The following SPAST variants were observed in gnomAD, a reference collection of about 807,000 sequenced individuals.
The protein encoded by SPAST is spastin.
A neutral mutation model predicts 76.6 loss-of-function variants in SPAST; 30 were observed. That is an observed-to-expected ratio of 0.39 (90% confidence interval 0.29 to 0.53). SPAST has a LOEUF of 0.53. Ranked by LOEUF, SPAST falls within the 20% of genes least tolerant of loss-of-function variation. The pLI is 0.68. For missense variants in SPAST, 717 were observed against 770.5 expected (o/e 0.93, Z 0.82); for synonymous variants, 305 against 281.0 (o/e 1.09, Z -0.86).
Position 32,154,662 on chromosome 2 carries a change from A to G in SPAST, c.*166A>G. On this transcript the variant is annotated 3_prime_UTR_variant, in exon 17 of 17. Coordinates refer to ENST00000315285, the MANE Select transcript of SPAST (RefSeq NM_014946.4). The stretch of plus-strand genomic sequence containing the variant: ...ATGAACCAGAAAACAGACTTAAACA[A>G]AATATACAATGCAAATGTAATTTTT... The G allele has an allele frequency of 1.4e-6, 1 of 693,688 alleles. No individual in the cohort carries two copies. The highest frequency in any genetic ancestry group is 1.8e-5 in the South Asian group (1 of 56,612). 43.0% of individuals were successfully genotyped at this position (693,688 alleles called of 1,614,324 possible).
At chr2:32,080,488 C>T (rs986218713) in intron 1 of SPAST, among the ~76,000 whole-genome samples, 2 of 152,186 alleles carry the variant, frequency 1.3e-5, no homozygotes, top group South Asian at 4.1e-4. Context: ...AAGTTTCTGC[C>T]ACCCAAATTC....
chr2:32,076,907 G>A (rs1483773256), intron 1 of SPAST, among the ~76,000 whole-genome samples: 3 of 151,844 alleles, frequency 2.0e-5, no homozygotes, highest in African/African-American at 4.8e-5. Flanking sequence ...ACAGAGTCTC[G>A]TTGTGTCGCC....
chr2:32,141,840 C>A, intron 12 of SPAST, 64 bp from the exon 13 acceptor site: 1 of 1,261,306 alleles, frequency 7.9e-7, no homozygotes. Context: ...CTTTTCCTGT[C>A]ATTTGCTGTT....
chr2:32,093,576 T>C (rs1181883629), intron 3 of SPAST, among the ~76,000 whole-genome samples: 1 of 152,212 alleles, frequency 6.6e-6, no homozygotes, highest in Non-Finnish European at 1.5e-5. Flanking sequence ...TGTCACCTTC[T>C]AATAAACTGT....
At chr2:32,150,888 TGA>T (rs1680060763) in intron 16 of SPAST, among the ~76,000 whole-genome samples, 1 of 152,068 alleles carries the variant, frequency 6.6e-6, no homozygotes. Context: ...GTCCCTTTTG[TGA>T]GCATCCCATT....
intron 4 of SPAST, among the ~76,000 whole-genome samples, chr2:32,106,527 C>G (rs1040073129): frequency 3.3e-5 from 5 of 152,218 alleles, no homozygotes; most frequent in Non-Finnish European, 7.3e-5. Flanking sequence ...CAGCTGTCTT[C>G]TGTGTCGCTC....
At chr2:32,097,065 G>C (rs536298549) in intron 3 of SPAST, among the ~76,000 whole-genome samples, 58 of 152,208 alleles carry the variant, frequency 3.8e-4, no homozygotes, top group African/African-American at 1.4e-3. Context: ...AAGTTTAAGA[G>C]AGTTAATATA....
chr2:32,128,700 G>A (rs775984422), intron 9 of SPAST: 11 of 536,840 alleles, frequency 2.0e-5, no homozygotes, highest in African/African-American at 3.8e-5. Flanking sequence ...ATAAAATACC[G>A]TAAACTGGCT....
intron 7 of SPAST, among the ~76,000 whole-genome samples, chr2:32,126,304 C>T (rs933798127): frequency 6.6e-6 from 1 of 152,054 alleles, no homozygotes; most frequent in African/African-American, 2.4e-5. Flanking sequence ...TTGTGGAATT[C>T]ATTGTGTTAA....
At chr2:32,090,247 A>G (rs938352476) in intron 3 of SPAST, among the ~76,000 whole-genome samples, 2 of 152,142 alleles carry the variant, frequency 1.3e-5, no homozygotes, top group African/African-American at 4.8e-5. Context: ...GGTATTGTCT[A>G]TGGCTTTCAT....
chr2:32,114,560 T>C (rs1678749402), intron 4 of SPAST, 78 bp from the exon 5 acceptor site: 1 of 1,078,814 alleles, frequency 9.3e-7, no homozygotes. Context: ...ATTATTACCT[T>C]GGTTTTACAA....
intron 1 of SPAST, among the ~76,000 whole-genome samples, chr2:32,066,612 G>A (rs1051986523): frequency 2.0e-5 from 3 of 151,912 alleles, no homozygotes; most frequent in African/African-American, 7.3e-5. Flanking sequence ...AGGTTGCAGT[G>A]AGCCGAGATC....
chr2:32,121,660 C>T (rs1016412066), intron 7 of SPAST, among the ~76,000 whole-genome samples: 3 of 151,592 alleles, frequency 2.0e-5, no homozygotes, highest in Admixed American at 2.0e-4. Flanking sequence ...CCTGCCTCAG[C>T]CTCCCAAGCA....
At chr2:32,119,270 C>A (rs181942017) in intron 7 of SPAST, among the ~76,000 whole-genome samples, 94 of 152,198 alleles carry the variant, frequency 6.2e-4, no homozygotes, top group Non-Finnish European at 1.2e-3. Context: ...TCTTGTTAAG[C>A]CTATGAATGG....
chr2:32,148,400 G>A (rs1343839951), intron 16 of SPAST, among the ~76,000 whole-genome samples: 3 of 151,976 alleles, frequency 2.0e-5, no homozygotes, highest in Admixed American at 6.6e-5. Flanking sequence ...GGCCGGGTGC[G>A]GTGGCTCACG....
At chr2:32,071,452 A>T (rs1463269927) in intron 1 of SPAST, among the ~76,000 whole-genome samples, 1 of 152,236 alleles carries the variant, frequency 6.6e-6, no homozygotes. Context: ...CAATGAAAAG[A>T]GTCAAACTCT....
intron 1 of SPAST, among the ~76,000 whole-genome samples, chr2:32,083,776 A>ATTTTTTT (rs1178658126): frequency 2.2e-5 from 1 of 46,074 alleles, no homozygotes; most frequent in Non-Finnish European, 3.7e-5. Context: ...ATATATATAT[A>ATTTTTTT]TTTTTTTTTT....
intron 1 of SPAST, among the ~76,000 whole-genome samples, chr2:32,066,454 G>T (rs992692394): frequency 6.6e-6 from 1 of 152,072 alleles, no homozygotes; most frequent in African/African-American, 2.4e-5. Context: ...TGGATCATGA[G>T]GTCAAGAGTT....
At position 32,075,547 on chromosome 2, in the gene SPAST, C is replaced by CTTTTTT. The variant is rs773998404; in HGVS notation, c.415+11316_415+11321dup. Among the ~76,000 whole-genome samples, 87 of 85,518 alleles carry CTTTTTT rather than the reference C, an allele frequency of 1.0e-3. 3 individuals are homozygous for CTTTTTT. Among genetic ancestry groups the CTTTTTT allele is most frequent in the Admixed American group, 1.1e-3 (6 of 5,352 alleles). The allele number at this position is 85,518 out of a possible 152,430, so 56.1% of individuals were successfully genotyped here. On this transcript the variant is annotated intron_variant, in intron 1 of 16. Transcript: ENST00000315285. ...CCTCATTTAGTGTCATGGCTTTTTT[C>CTTTTTT]TTTTTTTTTTTTTTTTTTTTGAGAC... is the stretch of plus-strand genomic sequence containing the variant.
Sources: allele counts gnomAD v4.1 joint callset (sites outside exome capture counted in the v4.1 genomes callset), GRCh38; gene constraint gnomAD v4.1.1; transcripts MANE v1.5; gene names NCBI Gene and HGNC (gene_info 2026-07-23, HGNC 2026-07-21).